Variants in STK32B observed in about 807,000 individuals in gnomAD.
The protein encoded by STK32B is serine/threonine kinase 32B.
A neutral mutation model predicts 52.6 loss-of-function variants in STK32B; 43 were observed. That is an observed-to-expected ratio of 0.82 (90% CI 0.64 to 1.05). STK32B has a LOEUF of 1.05. Ranked by LOEUF, STK32B falls within the 50% of genes least tolerant of loss-of-function variation. The pLI, the probability that STK32B is intolerant of heterozygous loss-of-function variation, is 0.00. For synonymous variants in STK32B, 238 were observed against 204.3 expected, an observed-to-expected ratio of 1.17 and a Z score of -1.41; for missense variants, 621 against 534.6, an observed-to-expected ratio of 1.16 and a Z score of -1.59.
At chr4:5,371,032 A>ATGTGTATATATG (rs1408727928) in intron 4 of STK32B, among the ~76,000 whole-genome samples, 2 of 150,356 alleles carry the variant, frequency 1.3e-5, no homozygotes, top group African/African-American at 4.9e-5. Flanking sequence ...GTGTATATAT[A>ATGTGTATATATG]TGTATATATA....
chr4:5,173,530 C>T (rs1169677830), intron 3 of STK32B, among the ~76,000 whole-genome samples: 2 of 152,118 alleles, frequency 1.3e-5, no homozygotes, highest in Non-Finnish European at 2.9e-5. Flanking sequence ...TTTCAAAGAA[C>T]ATCTTTATTT....
intron 3 of STK32B, among the ~76,000 whole-genome samples, chr4:5,228,825 G>C (rs887480378): frequency 2.0e-5 from 3 of 152,062 alleles, no homozygotes; most frequent in Non-Finnish European, 4.4e-5. Context: ...AAATTAGATG[G>C]GCATGGTGGT....
rs187533714 is a variant in STK32B, at chr4:5,175,983, C to G, written c.260+7533C>G. Among the ~76,000 whole-genome samples, 35 of 152,346 alleles carry G rather than the reference C, an allele frequency of 2.3e-4. No individual in the cohort carries two copies. In the East Asian group the frequency reaches 6.0e-3, roughly 26 times the overall value. On this transcript the variant is annotated intron_variant, in intron 3 of 11. Coordinates refer to ENST00000282908, the MANE Select transcript of STK32B (RefSeq NM_018401.3). Reference sequence around the variant, plus strand: ...GCTTCCCAGCTGCTTTGTTTACCTACGCAAGCCTTGGCAATGGTGGGCGCC... The same window carrying G: ...GCTTCCCAGCTGCTTTGTTTACCTAGGCAAGCCTTGGCAATGGTGGGCGCC...
rs372869986 is a variant in STK32B, at chr4:5,356,180, T to G, written c.434+24787T>G. 2.0e-5 allele frequency among the ~76,000 whole-genome samples: 3 copies of G among 152,294 alleles called. No individual in the cohort carries two copies. In the East Asian group the frequency reaches 5.8e-4, roughly 29 times the overall value. The stretch of plus-strand genomic sequence containing the variant: ...GGGAGAGACAGATGAGAGACACCTT[T>G]CTTGCCTTCTGGTAGCATTCCTCAG... On this transcript the variant is annotated intron_variant, in intron 4 of 11. Coordinates refer to ENST00000282908, the MANE Select transcript of STK32B (RefSeq NM_018401.3).
chr4:5,181,262 C>A (rs903951370), intron 3 of STK32B, among the ~76,000 whole-genome samples: 3 of 151,352 alleles, frequency 2.0e-5, no homozygotes, highest in African/African-American at 7.3e-5. Flanking sequence ...TGAATGAAGT[C>A]ATAACAGTGA....
chr4:5,054,810 A>G (rs1409186599), intron 1 of STK32B, among the ~76,000 whole-genome samples: 2 of 152,246 alleles, frequency 1.3e-5, no homozygotes, highest in African/African-American at 2.4e-5. Flanking sequence ...AACCACAGCT[A>G]AATATTTGCC....
At chr4:5,363,780 G>A (rs1262888415) in intron 4 of STK32B, among the ~76,000 whole-genome samples, 2 of 151,950 alleles carry the variant, frequency 1.3e-5, no homozygotes, top group Non-Finnish European at 2.9e-5. Flanking sequence ...TACCTATGGG[G>A]GTTCTGCTGT....
At chr4:5,341,172 G>A (rs954680873) in intron 4 of STK32B, among the ~76,000 whole-genome samples, 2 of 152,086 alleles carry the variant, frequency 1.3e-5, no homozygotes, top group Non-Finnish European at 2.9e-5. Context: ...CCTCACATCC[G>A]CCCCAGAGGA....
At chr4:5,084,925 A>G (rs1712634352) in intron 1 of STK32B, among the ~76,000 whole-genome samples, 1 of 152,222 alleles carries the variant, frequency 6.6e-6, no homozygotes, top group African/African-American at 2.4e-5. Flanking sequence ...TTTTCAATCA[A>G]TATTTAATGT....
chr4:5,320,790 CCTAT>C (rs1387476742), intron 3 of STK32B, among the ~76,000 whole-genome samples: 14 of 152,116 alleles, frequency 9.2e-5, no homozygotes, highest in African/African-American at 1.4e-4. Flanking sequence ...AGATGGATAT[CCTAT>C]CTATTTTGTT....
intron 3 of STK32B, among the ~76,000 whole-genome samples, chr4:5,293,531 T>C (rs1316481246): frequency 1.3e-5 from 2 of 152,198 alleles, no homozygotes; most frequent in African/African-American, 4.8e-5. Context: ...TGTATTTCTC[T>C]AATGACCAGT....
chr4:5,344,132 A>G (rs1460538307), intron 4 of STK32B, among the ~76,000 whole-genome samples: 2 of 152,150 alleles, frequency 1.3e-5, no homozygotes, highest in Non-Finnish European at 2.9e-5. Context: ...GACCCCGGTA[A>G]TTCCTTCCTT....
intron 1 of STK32B, among the ~76,000 whole-genome samples, chr4:5,111,095 T>A (rs773734201): frequency 1.3e-5 from 2 of 152,128 alleles, no homozygotes; most frequent in Non-Finnish European, 2.9e-5. Context: ...ATGGCTTTTA[T>A]TAAAAAGTCA....
At chr4:5,439,883 T>C (rs7435637) in intron 6 of STK32B, among the ~76,000 whole-genome samples, 14,153 of 152,036 alleles carry the variant, frequency 0.093, 977 homozygotes, top group East Asian at 0.4. Context: ...TTGCTTGTTT[T>C]TCTCAGGTTT....
At chr4:5,412,687 T>A (rs1711797799) in intron 5 of STK32B, among the ~76,000 whole-genome samples, 1 of 152,156 alleles carries the variant, frequency 6.6e-6, no homozygotes. Context: ...AATACCCTCC[T>A]CTCAGTAGCA....
rs1717330403 is a variant in STK32B, at chr4:5,465,038, G to A, written c.910-1665G>A. 2.0e-5 allele frequency among the ~76,000 whole-genome samples: 3 copies of A among 152,166 alleles called. No homozygotes were observed. The South Asian group carries it at 6.2e-4, about 32-fold the overall frequency. ...GATGATGGACAAAGCCCAGTGCCAG[G>A]CAGGGGAAGGGAGAGGCCATTGGTA... On this transcript the variant is annotated intron_variant, in intron 9 of 11. Coordinates refer to ENST00000282908, the MANE Select transcript of STK32B (RefSeq NM_018401.3).
chr4:5,317,239 A>AT (rs1406988171), intron 3 of STK32B, among the ~76,000 whole-genome samples: 24 of 57,608 alleles, frequency 4.2e-4, no homozygotes, highest in African/African-American at 1.5e-3. Context: ...TATAACATAT[A>AT]TATATTATAT....
intron 4 of STK32B, among the ~76,000 whole-genome samples, chr4:5,379,078 C>T (rs754061454): frequency 1.3e-5 from 2 of 152,094 alleles, no homozygotes; most frequent in Admixed American, 1.3e-4. Context: ...CAGAATTTAG[C>T]CCTGAATGAG....
At chr4:5,093,889 T>C (rs28844596) in intron 1 of STK32B, among the ~76,000 whole-genome samples, 37,746 of 152,098 alleles carry the variant, frequency 0.25, 5,595 homozygotes, top group Non-Finnish European at 0.34. Flanking sequence ...GTGATGCTGG[T>C]GGTGCTTCCA....
Sources: allele counts gnomAD v4.1 joint callset (sites outside exome capture counted in the v4.1 genomes callset), GRCh38; gene constraint gnomAD v4.1.1; transcripts MANE v1.5; gene names NCBI Gene and HGNC (gene_info 2026-07-23, HGNC 2026-07-21).